Variants in ADPGK observed in about 807,000 individuals in gnomAD.
ADPGK encodes the protein ADP dependent glucokinase, also known as ADP-dependent glucokinase.
ADPGK carries 26 observed loss-of-function variants against 42.4 expected under a neutral mutation model. The observed-to-expected ratio is 0.61, with a 90% CI of 0.45 to 0.85. The LOEUF is 0.85. Ranked by LOEUF, ADPGK falls within the 40% of genes least tolerant of loss-of-function variation. The probability of loss-of-function intolerance (pLI) is 0.00; values close to 1 mark genes in which losing one functional copy is unlikely to be tolerated. For synonymous variants in ADPGK, 267 were observed against 252.6 expected (o/e 1.06, Z -0.54); for missense variants, 571 against 627.0 (o/e 0.91, Z 0.95).
intron 4 of ADPGK, chr15:72,758,216 C>T: frequency 8.0e-7 from 1 of 1,252,860 alleles, no homozygotes. Flanking sequence ...ATGCAGGGGG[C>T]AGATGCAAAT....
intron 1 of ADPGK, among the ~76,000 whole-genome samples, chr15:72,777,678 AAAAAC>A (rs549988710): frequency 9.9e-5 from 15 of 152,132 alleles, no homozygotes; most frequent in African/African-American, 2.9e-4. Flanking sequence ...ACTCCATCTC[AAAAAC>A]AAAACAAAAC....
chr15:72,754,914 G>A (rs555432406), intron 6 of ADPGK, among the ~76,000 whole-genome samples: 2 of 152,210 alleles, frequency 1.3e-5, no homozygotes, highest in Non-Finnish European at 2.9e-5. Context: ...ATAAACTGAT[G>A]AAGGGTGCAA....
At chr15:72,753,447 A>T (rs931249515) in intron 6 of ADPGK, among the ~76,000 whole-genome samples, 2 of 152,328 alleles carry the variant, frequency 1.3e-5, no homozygotes, top group East Asian at 3.9e-4. Flanking sequence ...TGTAAGAAAA[A>T]GATTACCAAA....
At chr15:72,776,387 G>A (rs1355068202) in intron 1 of ADPGK, among the ~76,000 whole-genome samples, 5 of 152,098 alleles carry the variant, frequency 3.3e-5, no homozygotes, top group Admixed American at 6.6e-5. Flanking sequence ...CTCCCAGCCG[G>A]CAAACTGAGA....
chr15:72,776,090 T>G (rs28648660), intron 1 of ADPGK, among the ~76,000 whole-genome samples: 26,749 of 152,190 alleles, frequency 0.18, 3,281 homozygotes, highest in African/African-American at 0.34. Context: ...TATACATCAG[T>G]GGCATCATGT....
chr15:72,764,644 A>G lies in ADPGK; in HGVS notation c.523-4117T>C, dbSNP rs552196662. Among the ~76,000 whole-genome samples the G allele has an allele frequency of 2.0e-5, 3 of 152,362 alleles. No individual in the cohort carries two copies. In the East Asian group the frequency reaches 5.8e-4, roughly 29 times the overall value. ...GATCACTGATGAACATGGCTACACTAAACAACAGGTTCGATGTATACAAAA... is the reference window on the plus strand; with the variant it reads ...GATCACTGATGAACATGGCTACACTGAACAACAGGTTCGATGTATACAAAA... On this transcript the variant is annotated intron_variant, in intron 3 of 6. Coordinates refer to ENST00000456471, the MANE Select transcript of ADPGK (RefSeq NM_001365225.1).
Position 72,752,743 on chromosome 15 carries a change from T to G in ADPGK, c.1092A>C (p.Lys364Asn). Residue 364 changes from lysine (K) to asparagine (N), a missense_variant, in exon 7 of 7, where the codon AAA becomes AAC. Lys to Asn is a moderately conservative substitution (Grantham distance 94). Coordinates refer to ENST00000456471, the MANE Select transcript of ADPGK (RefSeq NM_001365225.1). ...CTCTGCTTTTACTCCTCCCATGTTC[T>G]TTCAAGATCCAGAAGAGGATGTCAC... ...MVSDILFWIL[K>N]EHGRSKSRAS... 6.2e-7 allele frequency: 1 copy of G among 1,614,178 alleles called. No homozygotes were observed. The highest frequency in any genetic ancestry group is 8.5e-7 in the Non-Finnish European group (1 of 1,180,032).
intron 3 of ADPGK, among the ~76,000 whole-genome samples, chr15:72,761,834 G>A (rs1217215130): frequency 6.6e-6 from 1 of 151,966 alleles, no homozygotes; most frequent in African/African-American, 2.4e-5. Context: ...GAGTAGCTGG[G>A]ACTACAGGCA....
At chr15:72,779,754 C>A (rs2066434145) in intron 1 of ADPGK, among the ~76,000 whole-genome samples, 1 of 152,130 alleles carries the variant, frequency 6.6e-6, no homozygotes. Context: ...CCTGGGTGAT[C>A]CTATCCAGTC....
intron 1 of ADPGK, among the ~76,000 whole-genome samples, chr15:72,782,182 G>A (rs1702348702): frequency 6.6e-6 from 1 of 152,132 alleles, no homozygotes; most frequent in Non-Finnish European, 1.5e-5. Context: ...TAAGAACCTA[G>A]CACAGACCTG....
rs1567444596 is a variant in ADPGK at position 72,752,903 on chromosome 15, A to T, written c.940-8T>A. 1 of 1,604,532 alleles carries T rather than the reference A, an allele frequency of 6.2e-7. No individual in the cohort carries two copies. ...CACCGCGGGAAAGACCTGCTAACAA[A>T]AACAACAACAGGTATCTTTCTGATG... On this transcript the variant is annotated splice_region_variant and splice_polypyrimidine_tract_variant and intron_variant, in intron 6 of 6. Coordinates refer to ENST00000456471, the MANE Select transcript of ADPGK (RefSeq NM_001365225.1).
chr15:72,753,316 G>T (rs987547645), intron 6 of ADPGK, among the ~76,000 whole-genome samples: 1 of 152,160 alleles, frequency 6.6e-6, no homozygotes, highest in African/African-American at 2.4e-5. Context: ...TACTGTCAGG[G>T]TTATAATGAT....
rs545176229 is a variant in ADPGK, at chr15:72,783,291, C to G, written c.233+168G>C. The G allele has an allele frequency of 2.4e-6, 3 of 1,262,568 alleles. No individual in the cohort carries two copies. The African/African-American group carries it at 4.7e-5, about 20-fold the overall frequency. 78.2% of individuals were successfully genotyped at this position (1,262,568 alleles called of 1,614,324 possible). A position where few individuals can be genotyped will look rare whatever the true frequency, so the allele number is the denominator to read the frequency against. ...GAGGCCAGCCGAGTGGAAAGAGCAGCGGTGACGAACCGGGTTCCACTCAGA... is the reference window on the plus strand; with the variant it reads ...GAGGCCAGCCGAGTGGAAAGAGCAGGGGTGACGAACCGGGTTCCACTCAGA... On this transcript the variant is annotated intron_variant, in intron 1 of 6. Transcript: ENST00000456471.
intron 3 of ADPGK, among the ~76,000 whole-genome samples, chr15:72,768,393 G>A (rs888274956): frequency 3.3e-5 from 5 of 152,098 alleles, no homozygotes; most frequent in African/African-American, 9.7e-5. Context: ...TTGAAGAAAG[G>A]GCCAGGTGTA....
intron 1 of ADPGK, among the ~76,000 whole-genome samples, chr15:72,776,079 A>G (rs1477601953): frequency 1.3e-5 from 2 of 152,144 alleles, no homozygotes; most frequent in Non-Finnish European, 2.9e-5. Context: ...TAAGTACTTA[A>G]TATACATCAG....
intron 1 of ADPGK, 155 bp downstream of exon 1, chr15:72,783,304 G>C: frequency 3.2e-6 from 4 of 1,266,942 alleles, no homozygotes; most frequent in Non-Finnish European, 4.0e-6. Context: ...TGACGAACCG[G>C]GTTCCACTCA....
At chr15:72,779,244 G>T (rs1595806565) in intron 1 of ADPGK, among the ~76,000 whole-genome samples, 4 of 107,228 alleles carry the variant, frequency 3.7e-5, no homozygotes, top group Admixed American at 1.1e-4. Context: ...TAGCATGAGG[G>T]TTTTTTTTTT....
chr15:72,781,660 G>A (rs567099740), intron 1 of ADPGK, among the ~76,000 whole-genome samples: 3 of 152,342 alleles, frequency 2.0e-5, no homozygotes, highest in African/African-American at 7.2e-5. Context: ...GACTCTGGTA[G>A]AAGAGTTCCT....
At chr15:72,758,954 T>G (rs1178034360) in intron 4 of ADPGK, among the ~76,000 whole-genome samples, 1 of 152,224 alleles carries the variant, frequency 6.6e-6, no homozygotes, top group Non-Finnish European at 1.5e-5. Context: ...ATTATTATTT[T>G]TTGAGACGGA....
Sources: gnomAD v4.1 joint callset for allele counts (sites outside exome capture counted in the v4.1 genomes callset) on GRCh38, gnomAD v4.1.1 for gene constraint, MANE v1.5 for transcripts, NCBI Gene and HGNC (gene_info 2026-07-23, HGNC 2026-07-21) for gene names.